The following TMEM151B variants were observed in gnomAD, a reference collection of about 807,000 sequenced individuals.
TMEM151B encodes transmembrane protein 151B.
TMEM151B carries 18 observed loss-of-function variants against 33.0 expected under a neutral mutation model. That is an observed-to-expected ratio of 0.55 (90% CI 0.38 to 0.81). The LOEUF (loss-of-function observed/expected upper bound fraction) is 0.81, where lower values mean the gene tolerates loss of function less well. TMEM151B is among the 30% of genes least tolerant of loss of function. The probability of loss-of-function intolerance (pLI) is 0.00; values close to 1 mark genes in which losing one functional copy is unlikely to be tolerated. For missense variants in TMEM151B, 672 were observed against 843.4 expected, an observed-to-expected ratio of 0.80 and a Z score of 2.52; for synonymous variants, 354 against 373.6, an observed-to-expected ratio of 0.95 and a Z score of 0.61.
chr6:44,270,688 C>T lies in TMEM151B; in HGVS notation c.-55C>T. The stretch of plus-strand genomic sequence containing the variant: ...TCCCCAGGGCCCGCGCAGGATGCCC[C>T]CGGCCCCTGGCAGCCCCCCGGGAGG... On this transcript the variant is annotated 5_prime_UTR_variant, in exon 1 of 3. Transcript: ENST00000451188. 2.0e-6 allele frequency: 1 copy of T among 509,746 alleles called. No individual in the cohort carries two copies. Among genetic ancestry groups the T allele is most frequent in the Non-Finnish European group, 2.7e-6 (1 of 366,572 alleles). The allele number at this position is 509,746 out of a possible 1,614,324, so 31.6% of individuals were successfully genotyped here.
chr6:44,276,216 G>C lies in TMEM151B; in HGVS notation c.1390G>C (p.Gly464Arg). The stretch of plus-strand genomic sequence containing the variant: ...CAGCCCGCGGGCCGGCCCGGGGCCC[G>C]GTGGGGGCGCGGGCTGCGGGGGCAG... ...CASPRAGPGP[G>R]GGAGCGGSRF... The change falls in exon 3 of 3, where the codon GGT becomes CGT. Residue 464 changes from glycine (G) to arginine (R), a missense_variant. Physicochemically the swap from Gly to Arg is moderately radical, Grantham distance 125. This residue lies in a region of TMEM151B where 324 missense variants were observed against 363.1 expected (regional missense o/e 0.89). Transcript: ENST00000451188. 1 of 1,290,212 alleles carries C rather than the reference G, an allele frequency of 7.8e-7. No individual in the cohort carries two copies. Among genetic ancestry groups the C allele is most frequent in the Middle Eastern group, 2.9e-4 (1 of 3,460 alleles). The allele number at this position is 1,290,212 out of a possible 1,614,324, so 79.9% of individuals were successfully genotyped here. A position where few individuals can be genotyped will look rare whatever the true frequency, so the allele number is the denominator to read the frequency against.
Position 44,276,365 on chromosome 6 carries a change from G to A in TMEM151B, c.1539G>A (p.Met513Ile). 6.6e-7 allele frequency: 1 copy of A among 1,510,556 alleles called. No homozygotes were observed. The highest frequency in any genetic ancestry group is 8.8e-7 in the Non-Finnish European group (1 of 1,134,928). The allele number at this position is 1,510,556 out of a possible 1,614,324, so 93.6% of individuals were successfully genotyped here. A position where few individuals can be genotyped will look rare whatever the true frequency, so the allele number is the denominator to read the frequency against. ...CGCGGCTGTCCAGCCAGGCCAGCAT[G>A]GGGGACGACGAGGACGACGACGAGG... ...EQTRLSSQAS[M>I]GDDEDDDEEE... The change falls in exon 3 of 3, where the codon ATG becomes ATA. Residue 513 changes from methionine to isoleucine, a missense_variant. Coordinates refer to ENST00000451188, the MANE Select transcript of TMEM151B (RefSeq NM_001137560.2).
At chr6:44,272,662 C>T (rs1384352994) in intron 1 of TMEM151B, among the ~76,000 whole-genome samples, 1 of 152,162 alleles carries the variant, frequency 6.6e-6, no homozygotes, top group Non-Finnish European at 1.5e-5. Context: ...TCTGTCTGTC[C>T]TCCCCTGTCT....
Position 44,276,154 on chromosome 6 carries a change from C to A in TMEM151B, c.1328C>A (p.Ser443Ter). 1 of 1,314,456 alleles carries A rather than the reference C, an allele frequency of 7.6e-7. No homozygotes were observed. The highest frequency in any genetic ancestry group is 9.6e-7 in the Non-Finnish European group (1 of 1,040,246). The allele number at this position is 1,314,456 out of a possible 1,614,324, so 81.4% of individuals were successfully genotyped here. Residue 443 changes from serine to a stop codon, truncating the protein, a stop_gained, in exon 3 of 3, where the codon TCG becomes TAG. Coordinates refer to ENST00000451188, the MANE Select transcript of TMEM151B (RefSeq NM_001137560.2). LOFTEE classifies it low-confidence loss of function (END_TRUNC). ...CEHCQRAVSS[S>*]SIFSRSALSI... ...CACTGCCAGCGCGCCGTCAGCAGCT[C>A]GTCTATCTTCTCGCGCAGCGCCCTA... is the stretch of plus-strand genomic sequence containing the variant.
At position 44,276,576 on chromosome 6, in the gene TMEM151B, G is replaced by A; in HGVS notation, c.*49G>A. ...GCCGTCCTCCCGCCTGCCCCTCGCC[G>A]GACTGTGCTCCCTCTGCGACGCAGG... On this transcript the variant is annotated 3_prime_UTR_variant, in exon 3 of 3. Coordinates refer to ENST00000451188, the MANE Select transcript of TMEM151B (RefSeq NM_001137560.2). 1.5e-6 allele frequency: 2 copies of A among 1,330,416 alleles called. No homozygotes were observed. The highest frequency in any genetic ancestry group is 1.9e-5 in the South Asian group (1 of 52,786). 82.4% of individuals were successfully genotyped at this position (1,330,416 alleles called of 1,614,324 possible). A position where few individuals can be genotyped will look rare whatever the true frequency, so the allele number is the denominator to read the frequency against.
chr6:44,271,840 C>G (rs1265495195), intron 1 of TMEM151B, among the ~76,000 whole-genome samples: 1 of 150,944 alleles, frequency 6.6e-6, no homozygotes, highest in Non-Finnish European at 1.5e-5. Context: ...TAGGTCAGGC[C>G]TGAGGAATTG....
Position 44,278,509 on chromosome 6 carries a change from TGGATGTCATGCTTTGTGTGG to T in TMEM151B, c.*1986_*2005del, listed in dbSNP as rs1478940971. The T allele has an allele frequency of 6.6e-6, 1 of 152,230 alleles. No individual in the cohort carries two copies. The highest frequency in any genetic ancestry group is 2.4e-5 in the African/African-American group (1 of 41,434). 9.4% of individuals were successfully genotyped at this position (152,230 alleles called of 1,614,324 possible). A position where few individuals can be genotyped will look rare whatever the true frequency, so the allele number is the denominator to read the frequency against. On this transcript the variant is annotated 3_prime_UTR_variant, in exon 3 of 3. Transcript: ENST00000451188. ...CTCCATTTCTTAGCCAGCTGGCACC[TGGATGTCATGCTTTGTGTGG>T]GGACAGCCTGGCCACCTCAGGGCTC... is the stretch of plus-strand genomic sequence containing the variant.
In TMEM151B at chr6:44,276,806, CTCCTGTCCAGCCCTTCAACA is replaced by C. The variant is rs1228714597; in HGVS notation, c.*280_*299del. Reference sequence around the variant, plus strand: ...CCTGAGTTCCTAAAGGGACACCTCCCTCCTGTCCAGCCCTTCAACAGATCTTCTGTTAGATGACAACCGTG... The same window carrying C: ...CCTGAGTTCCTAAAGGGACACCTCCCGATCTTCTGTTAGATGACAACCGTG... On this transcript the variant is annotated 3_prime_UTR_variant, in exon 3 of 3. Transcript: ENST00000451188. 1.1e-5 allele frequency: 5 copies of C among 444,762 alleles called. No homozygotes were observed. The highest frequency in any genetic ancestry group is 2.0e-5 in the African/African-American group (1 of 49,296). The allele number at this position is 444,762 out of a possible 1,614,324, so 27.6% of individuals were successfully genotyped here. A position where few individuals can be genotyped will look rare whatever the true frequency, so the allele number is the denominator to read the frequency against.
rs1472262206 is a variant in TMEM151B, at chr6:44,275,458, G to C, written c.632G>C (p.Arg211Pro). The C allele has an allele frequency of 1.9e-6, 3 of 1,544,602 alleles. No homozygotes were observed. Among genetic ancestry groups the C allele is most frequent in the Non-Finnish European group, 2.6e-6 (3 of 1,142,654 alleles). Residue 211 changes from arginine to proline, a missense_variant, in exon 3 of 3, where the codon CGC (arginine) becomes CCC (proline). Physicochemically the swap from Arg to Pro is moderately radical, Grantham distance 103. Around this residue, in one of 3 missense-constraint regions of TMEM151B, gnomAD observed 285 missense variants for 423.1 expected, o/e 0.67. Coordinates refer to ENST00000451188, the MANE Select transcript of TMEM151B (RefSeq NM_001137560.2). ...GCGGAGGCTGAGTTCGACTACGCGC[G>C]CTGCGGCGTTCGCGACGTGTCCAAG... ...HVAEAEFDYA[R>P]CGVRDVSKTL...
At position 44,273,464 on chromosome 6, in the gene TMEM151B, G is replaced by A. The variant is rs550148204; in HGVS notation, c.534G>A (p.Gln178=). ...ISYHYVRRTR[Q]VTRYRNGDAY... is the part of the protein sequence containing the mutation. ...ACCACTATGTCCGCCGCACCCGCCA[G>A]GTCACCAGATACCGCAATGGAGACG... is the stretch of plus-strand genomic sequence containing the variant. The change falls in exon 2 of 3, where the codon CAG becomes CAA. Residue 178 remains glutamine (Q), a synonymous_variant. Transcript: ENST00000451188. The A allele has an allele frequency of 4.5e-6, 7 of 1,550,842 alleles. No individual in the cohort carries two copies. In the African/African-American group the frequency reaches 8.2e-5, roughly 18 times the overall value.
At position 44,277,536 on chromosome 6, in the gene TMEM151B, G is replaced by C. The variant is rs1782640660; in HGVS notation, c.*1009G>C. ...GAGGGCAGTGGAGGGTAGAGGAAAA[G>C]GACCTCCAGAGGTGGGGTGTCTGTG... is the stretch of plus-strand genomic sequence containing the variant. On this transcript the variant is annotated 3_prime_UTR_variant, in exon 3 of 3. Transcript: ENST00000451188. The C allele has an allele frequency of 6.6e-6, 1 of 152,430 alleles. No individual in the cohort carries two copies. The highest frequency in any genetic ancestry group is 1.5e-5 in the Non-Finnish European group (1 of 68,212). The allele number at this position is 152,430 out of a possible 1,614,324, so 9.4% of individuals were successfully genotyped here.
At chr6:44,273,653 T>A in intron 2 of TMEM151B, 147 bp downstream of exon 2, 2 of 883,530 alleles carry the variant, frequency 2.3e-6, no homozygotes, top group Non-Finnish European at 3.4e-6. Context: ...AGCAGGGCAA[T>A]AGCAACAACC....
In TMEM151B at chr6:44,278,638, C is replaced by T. The variant is rs551056305; in HGVS notation, c.*2111C>T. Reference sequence around the variant, plus strand: ...TCTCACAAGAGGGGAAGGGGGACCTCTATTATTATTTTTGCCTGTATTGAC... The same window carrying T: ...TCTCACAAGAGGGGAAGGGGGACCTTTATTATTATTTTTGCCTGTATTGAC... On this transcript the variant is annotated 3_prime_UTR_variant, in exon 3 of 3. Transcript: ENST00000451188. 1.3e-5 allele frequency: 2 copies of T among 152,242 alleles called. No individual in the cohort carries two copies. Among genetic ancestry groups the T allele is most frequent in the East Asian group, 3.9e-4 (2 of 5,178 alleles). 9.4% of individuals were successfully genotyped at this position (152,242 alleles called of 1,614,324 possible). A position where few individuals can be genotyped will look rare whatever the true frequency, so the allele number is the denominator to read the frequency against.
chr6:44,276,504 T>C lies in TMEM151B; in HGVS notation c.1678T>C (p.Ser560Pro). The change falls in exon 3 of 3, where the codon TCC becomes CCC. Residue 560 changes from serine to proline, a missense_variant. By Grantham distance (74) the Ser-to-Pro change is moderately conservative. Around this residue, in one of 3 missense-constraint regions of TMEM151B, gnomAD observed 324 missense variants for 363.1 expected, o/e 0.89. Coordinates refer to ENST00000451188, the MANE Select transcript of TMEM151B (RefSeq NM_001137560.2). ...HSHRPLHRHGSCVETSL is the reference protein window; with the variant it reads ...HSHRPLHRHGPCVETSL ...CCACCGGCCGCTGCACCGCCACGGC[T>C]CCTGCGTAGAGACCTCACTGTGACC... The C allele has an allele frequency of 7.1e-7, 1 of 1,408,786 alleles. No individual in the cohort carries two copies. The allele number at this position is 1,408,786 out of a possible 1,614,324, so 87.3% of individuals were successfully genotyped here.
At chr6:44,271,365 GTGT>G (rs1782337330) in intron 1 of TMEM151B, among the ~76,000 whole-genome samples, 3 of 72,972 alleles carry the variant, frequency 4.1e-5, no homozygotes, top group African/African-American at 2.1e-4. Context: ...GTGTGTGTGT[GTGT>G]GGGGGGGGGT....
At chr6:44,271,077 G>A (rs1782317173) in intron 1 of TMEM151B, among the ~76,000 whole-genome samples, 200 bp downstream of exon 1, 1 of 151,008 alleles carries the variant, frequency 6.6e-6, no homozygotes, top group Non-Finnish European at 1.5e-5. Context: ...GCCGCGCCGG[G>A]GGCGGGGCTC....
Position 44,273,045 on chromosome 6 carries a change from T to G in TMEM151B, c.136-21T>G, listed in dbSNP as rs371653060. The G allele has an allele frequency of 4.4e-5, 65 of 1,472,496 alleles. No homozygotes were observed. The African/African-American group carries it at 7.1e-4, about 16-fold the overall frequency. 91.2% of individuals were successfully genotyped at this position (1,472,496 alleles called of 1,614,324 possible). ...CTCACTTCCCACTCATCTTGGCCCC[T>G]CTCCCTGCCCACCTGAGCAGCAGCG... On this transcript the variant is annotated intron_variant, in intron 1 of 2. Coordinates refer to ENST00000451188, the MANE Select transcript of TMEM151B (RefSeq NM_001137560.2).
chr6:44,271,391 C>T (rs1246881782), intron 1 of TMEM151B, among the ~76,000 whole-genome samples: 1 of 145,744 alleles, frequency 6.9e-6, no homozygotes, highest in African/African-American at 2.6e-5. Flanking sequence ...GCACCTCTCT[C>T]TCACGAGGCT....
intron 2 of TMEM151B, among the ~76,000 whole-genome samples, chr6:44,275,131 A>AAAAAAAG (rs1782524580): frequency 1.4e-5 from 2 of 142,316 alleles, no homozygotes; most frequent in Non-Finnish European, 3.1e-5. Flanking sequence ...AAAAAAAAAA[A>AAAAAAAG]AAAAAGAAAA....
Sources: gnomAD v4.1 joint callset for allele counts (sites outside exome capture counted in the v4.1 genomes callset) on GRCh38, gnomAD v4.1.1 for gene constraint, gnomAD v4.1.1 regional missense constraint, MANE v1.5 for transcripts, NCBI Gene and HGNC (gene_info 2026-07-23, HGNC 2026-07-21) for gene names.